ST8SIA1: variants seen among roughly 807,000 people sequenced by gnomAD.
ST8SIA1 encodes the protein ST8 alpha-N-acetyl-neuraminide alpha-2,8-sialyltransferase 1.
A neutral mutation model predicts 35.9 loss-of-function variants in ST8SIA1; 16 were observed. The ratio of observed to expected loss-of-function variants is 0.45; its 90% CI spans 0.30 to 0.68. The LOEUF is 0.68. Ranked by LOEUF, ST8SIA1 falls within the 30% of genes least tolerant of loss-of-function variation. ST8SIA1 has a pLI of 0.09. For missense variants in ST8SIA1, 383 were observed against 453.6 expected, an observed-to-expected ratio of 0.84 and a Z score of 1.41; for synonymous variants, 170 against 169.6, an observed-to-expected ratio of 1.00 and a Z score of -0.02.
intron 4 of ST8SIA1, among the ~76,000 whole-genome samples, chr12:22,212,317 A>G (rs1254916522): frequency 2.0e-5 from 3 of 151,864 alleles, no homozygotes; most frequent in Non-Finnish European, 4.4e-5. Context: ...TCCTCATATT[A>G]TTTACTTGCT....
chr12:22,261,768 C>A (rs1376976563), intron 2 of ST8SIA1, among the ~76,000 whole-genome samples: 1 of 152,140 alleles, frequency 6.6e-6, no homozygotes, highest in South Asian at 2.1e-4. Context: ...TTCTGAGATA[C>A]CCCTTATCCT....
At chr12:22,249,274 A>G (rs564913467) in intron 3 of ST8SIA1, among the ~76,000 whole-genome samples, 176 bp from the exon 4 acceptor site, 1 of 147,484 alleles carries the variant, frequency 6.8e-6, no homozygotes, top group East Asian at 2.0e-4. Context: ...GCTGGAGTAC[A>G]GTGGTGTGAT....
intron 1 of ST8SIA1, among the ~76,000 whole-genome samples, chr12:22,309,713 T>C (rs929888443): frequency 6.6e-6 from 1 of 152,140 alleles, no homozygotes; most frequent in South Asian, 2.1e-4. Context: ...TGCAACACTT[T>C]ATGAGAAATA....
chr12:22,334,156 G>A lies in ST8SIA1; in HGVS notation c.77C>T (p.Thr26Ile). 2 of 1,614,064 alleles carry A rather than the reference G, an allele frequency of 1.2e-6. No individual in the cohort carries two copies. The highest frequency in any genetic ancestry group is 1.7e-6 in the Non-Finnish European group (2 of 1,179,994). Residue 26 changes from threonine (T) to isoleucine (I), a missense_variant, in exon 1 of 5, where the codon ACC (threonine) becomes ATC (isoleucine). Transcript: ENST00000396037. ...GGCACTGGCTCCCATGGGCAGCCGGGTCCGCGGGAACTTCCACGCCAGTAC... is the reference window on the plus strand; with the variant it reads ...GGCACTGGCTCCCATGGGCAGCCGGATCCGCGGGAACTTCCACGCCAGTAC... ...MAVLAWKFPR[T>I]RLPMGASALC...
At chr12:22,321,634 AAAATT>A (rs779443101) in intron 1 of ST8SIA1, among the ~76,000 whole-genome samples, 52 of 152,356 alleles carry the variant, frequency 3.4e-4, no homozygotes, top group Admixed American at 8.5e-4. Flanking sequence ...AAGTGAATAA[AAAATT>A]AATAAAACCT....
rs556109159 is a variant in ST8SIA1, at chr12:22,307,352, C to A, written c.237-20059G>T. Among the ~76,000 whole-genome samples the A allele has an allele frequency of 2.0e-5, 3 of 152,270 alleles. No individual in the cohort carries two copies. In the South Asian group the frequency reaches 6.2e-4, roughly 32 times the overall value. Reference sequence around the variant, plus strand: ...CCTAGTCAATCTCCCCAGAAAGAAACCCTCCAATATCTTGGTATGGTTTAA... The same window carrying A: ...CCTAGTCAATCTCCCCAGAAAGAAAACCTCCAATATCTTGGTATGGTTTAA... On this transcript the variant is annotated intron_variant, in intron 1 of 4. Coordinates refer to ENST00000396037, the MANE Select transcript of ST8SIA1 (RefSeq NM_003034.4).
rs961986435 is a variant in ST8SIA1 at position 22,235,518 on chromosome 12, C to T, written c.584+13488G>A. Among the ~76,000 whole-genome samples, 9 of 152,242 alleles carry T rather than the reference C, an allele frequency of 5.9e-5. No individual in the cohort carries two copies. In the South Asian group the frequency reaches 8.3e-4, roughly 14 times the overall value. ...TTAGTAGCTGGACAATCTGAAATCA[C>T]GGAATACATAATCAACTCTGTGCAA... On this transcript the variant is annotated intron_variant, in intron 4 of 4. Coordinates refer to ENST00000396037, the MANE Select transcript of ST8SIA1 (RefSeq NM_003034.4).
intron 4 of ST8SIA1, among the ~76,000 whole-genome samples, chr12:22,224,152 A>T (rs891597582): frequency 6.6e-6 from 1 of 152,108 alleles, no homozygotes; most frequent in Admixed American, 6.6e-5. Flanking sequence ...TCCAGCTCTA[A>T]TGTGAGTATA....
chr12:22,294,984 A>G (rs1487333704), intron 1 of ST8SIA1, among the ~76,000 whole-genome samples: 2 of 152,252 alleles, frequency 1.3e-5, no homozygotes, highest in East Asian at 1.9e-4. Context: ...TTCAGACCTC[A>G]CTCATTCAGT....
intron 4 of ST8SIA1, among the ~76,000 whole-genome samples, chr12:22,237,795 G>C (rs1010774940): frequency 2.6e-5 from 4 of 151,928 alleles, no homozygotes; most frequent in African/African-American, 9.6e-5. Context: ...ATCATGAAAA[G>C]TCTATTTTAA....
At chr12:22,218,412 G>A (rs1020017026) in intron 4 of ST8SIA1, among the ~76,000 whole-genome samples, 1 of 151,596 alleles carries the variant, frequency 6.6e-6, no homozygotes, top group African/African-American at 2.4e-5. Context: ...GAGGTCAGGA[G>A]TTCCAGACCA....
At chr12:22,279,773 A>G (rs1459318680) in intron 2 of ST8SIA1, among the ~76,000 whole-genome samples, 2 of 152,080 alleles carry the variant, frequency 1.3e-5, no homozygotes, top group African/African-American at 4.8e-5. Flanking sequence ...TTCACTCCCT[A>G]TCCTATCCCT....
chr12:22,276,561 C>G (rs191891565), intron 2 of ST8SIA1, among the ~76,000 whole-genome samples: 6 of 152,046 alleles, frequency 3.9e-5, no homozygotes, highest in Non-Finnish European at 5.9e-5. Context: ...GGTTCCAGGA[C>G]CACAGTGTCT....
intron 4 of ST8SIA1, among the ~76,000 whole-genome samples, chr12:22,236,695 C>T: frequency 6.6e-6 from 1 of 152,184 alleles, no homozygotes; most frequent in East Asian, 1.9e-4. Flanking sequence ...GCCATGAGAA[C>T]TTGGGCTATT....
intron 2 of ST8SIA1, among the ~76,000 whole-genome samples, chr12:22,285,485 A>G (rs977712350): frequency 2.0e-5 from 3 of 152,302 alleles, no homozygotes; most frequent in Non-Finnish European, 4.4e-5. Context: ...CACCAATACA[A>G]TTCTGCTTTT....
chr12:22,287,185 G>C lies in ST8SIA1; in HGVS notation c.345C>G (p.Phe115Leu). Residue 115 changes from phenylalanine to leucine, a missense_variant, in exon 2 of 5, where the codon TTC (phenylalanine) becomes TTG (leucine). Transcript: ENST00000396037. Reference sequence around the variant, plus strand: ...GAGAGTAAGTTGAATTGTCAATGGTGAATGAGTATAAAAACTCCCCGTCAT... The same window carrying C: ...GAGAGTAAGTTGAATTGTCAATGGTCAATGAGTATAAAAACTCCCCGTCAT... Reference protein sequence around the residue: ...MWYDGEFLYSFTIDNSTYSLF... With the variant: ...MWYDGEFLYSLTIDNSTYSLF... 1 of 1,614,016 alleles carries C rather than the reference G, an allele frequency of 6.2e-7. No individual in the cohort carries two copies. The highest frequency in any genetic ancestry group is 8.5e-7 in the Non-Finnish European group (1 of 1,179,948).
In ST8SIA1 at chr12:22,287,209, A is replaced by T; in HGVS notation, c.321T>A (p.Tyr107Ter). The T allele has an allele frequency of 6.2e-7, 1 of 1,614,178 alleles. No individual in the cohort carries two copies. The highest frequency in any genetic ancestry group is 8.5e-7 in the Non-Finnish European group (1 of 1,180,002). ...MNSPMGKSMW[Y>*]DGEFLYSFTI... ...TGAATGAGTATAAAAACTCCCCGTC[A>T]TACCACATGCTCTTCCCCATAGGGG... The change falls in exon 2 of 5, where the codon TAT becomes TAA. Residue 107 changes from tyrosine (Y) to a stop codon, truncating the protein, a stop_gained. Transcript: ENST00000396037. LOFTEE classifies it high-confidence loss of function.
chr12:22,231,367 A>G (rs1010140611), intron 4 of ST8SIA1, among the ~76,000 whole-genome samples: 3 of 151,298 alleles, frequency 2.0e-5, no homozygotes, highest in Admixed American at 1.3e-4. Context: ...TATCAAATTA[A>G]TTAGAATAAG....
intron 2 of ST8SIA1, among the ~76,000 whole-genome samples, chr12:22,282,370 C>T (rs1418568174): frequency 1.3e-5 from 2 of 152,172 alleles, no homozygotes; most frequent in African/African-American, 2.4e-5. Flanking sequence ...TGAGGCAGCC[C>T]GTATAGTTGA....
Sources: gnomAD v4.1 joint callset for allele counts (sites outside exome capture counted in the v4.1 genomes callset) on GRCh38, gnomAD v4.1.1 for gene constraint, MANE v1.5 for transcripts, NCBI Gene and HGNC (gene_info 2026-07-23, HGNC 2026-07-21) for gene names.